PLD5: variants seen among roughly 807,000 people sequenced by gnomAD.
PLD5 encodes phospholipase D family member 5, also known as inactive phospholipase D5.
Under a neutral mutation model 61.1 loss-of-function variants are expected in PLD5, and 36 were observed. The observed-to-expected ratio is 0.59, with a 90% CI of 0.45 to 0.78. The LOEUF is 0.78. Among genes scored for constraint, PLD5 ranks in the 30% least tolerant of loss-of-function variants. The pLI is 0.00. For synonymous variants in PLD5, 243 were observed against 242.8 expected (o/e 1.00, Z -0.01); for missense variants, 515 against 644.4 (o/e 0.80, Z 2.17).
intron 1 of PLD5, among the ~76,000 whole-genome samples, chr1:242,492,350 A>T (rs1238082756): frequency 1.4e-5 from 2 of 144,716 alleles, no homozygotes. Context: ...TGTCTCTACT[A>T]AAAAAAAAAC....
chr1:242,330,210 G>A (rs1659086541), intron 2 of PLD5, among the ~76,000 whole-genome samples: 1 of 152,150 alleles, frequency 6.6e-6, no homozygotes, highest in African/African-American at 2.4e-5. Flanking sequence ...CTTTTTCCAT[G>A]AAGTACAAAT....
At chr1:242,141,346 C>T (rs892929) in intron 5 of PLD5, among the ~76,000 whole-genome samples, 5 of 151,992 alleles carry the variant, frequency 3.3e-5, no homozygotes, top group Admixed American at 6.6e-5. Context: ...TCTTCCTCTC[C>T]GACTGCATCT....
At chr1:242,522,899 A>G (rs990716867) in intron 1 of PLD5, among the ~76,000 whole-genome samples, 3 of 152,232 alleles carry the variant, frequency 2.0e-5, no homozygotes, top group Admixed American at 6.5e-5. Flanking sequence ...GCTTCATATT[A>G]GAGCTTTCAG....
At chr1:242,361,084 CAATA>C (rs1412324999) in intron 1 of PLD5, among the ~76,000 whole-genome samples, 1 of 152,026 alleles carries the variant, frequency 6.6e-6, no homozygotes, top group Non-Finnish European at 1.5e-5. Flanking sequence ...TAATAAATAA[CAATA>C]AATAAGTAAG....
intron 4 of PLD5, among the ~76,000 whole-genome samples, chr1:242,238,650 G>A (rs1025944854): frequency 5.3e-5 from 8 of 152,166 alleles, no homozygotes; most frequent in African/African-American, 1.7e-4. Context: ...AACATCTGAG[G>A]AATTCTCTTT....
intron 2 of PLD5, among the ~76,000 whole-genome samples, chr1:242,289,680 C>T (rs1490496023): frequency 1.3e-5 from 2 of 152,148 alleles, no homozygotes; most frequent in African/African-American, 4.8e-5. Flanking sequence ...TGGAAAACCT[C>T]AAGTCCTTAT....
chr1:242,281,879 A>G (rs1274042701), intron 3 of PLD5, among the ~76,000 whole-genome samples: 1 of 152,156 alleles, frequency 6.6e-6, no homozygotes, highest in African/African-American at 2.4e-5. Context: ...GCGCACACAC[A>G]CTTGAAGATT....
At chr1:242,216,755 C>T (rs1604506) in intron 5 of PLD5, among the ~76,000 whole-genome samples, 42,660 of 152,058 alleles carry the variant, frequency 0.28, 6,396 homozygotes, top group South Asian at 0.4. Context: ...TGTCTCTCAT[C>T]CATCACTGAG....
rs907098516 is a variant in PLD5 at position 242,373,261 on chromosome 1, T to C, written c.190-25019A>G. 1.1e-4 allele frequency among the ~76,000 whole-genome samples: 17 copies of C among 152,272 alleles called. 1 individual carries two copies. The highest frequency in any genetic ancestry group is 7.8e-4 in the Admixed American group (12 of 15,294). On this transcript the variant is annotated intron_variant, in intron 1 of 9. Coordinates refer to ENST00000536534, the MANE Select transcript of PLD5 (RefSeq NM_001372062.1). The stretch of plus-strand genomic sequence containing the variant: ...AAAACCACAATGAGATACCATCTCA[T>C]ACCAGTTAGAATGGCGATCATTAAA...
At chr1:242,424,666 T>C (rs925910646) in intron 1 of PLD5, among the ~76,000 whole-genome samples, 2 of 152,172 alleles carry the variant, frequency 1.3e-5, no homozygotes, top group African/African-American at 4.8e-5. Context: ...TGGGGTCCAC[T>C]GTCATGGCCT....
intron 9 of PLD5, among the ~76,000 whole-genome samples, chr1:242,091,897 G>A (rs1659863709): frequency 7.1e-6 from 1 of 141,210 alleles, no homozygotes; most frequent in African/African-American, 2.6e-5. Context: ...GTACAATCTT[G>A]GCTCACTGCA....
chr1:242,316,066 TGG>T (rs1041103221), intron 2 of PLD5, among the ~76,000 whole-genome samples: 3 of 152,102 alleles, frequency 2.0e-5, no homozygotes, highest in Admixed American at 2.0e-4. Flanking sequence ...TTTCCTCGTG[TGG>T]AAAAAGGAGG....
intron 2 of PLD5, among the ~76,000 whole-genome samples, chr1:242,304,045 T>C (rs1197430459): frequency 6.6e-6 from 1 of 152,168 alleles, no homozygotes; most frequent in Non-Finnish European, 1.5e-5. Context: ...TCAAGTCTGA[T>C]GCTTATCTGG....
intron 1 of PLD5, among the ~76,000 whole-genome samples, chr1:242,426,309 TAAA>T (rs56996310): frequency 0.011 from 1,362 of 120,048 alleles, 10 homozygotes; most frequent in African/African-American, 0.024. Context: ...CGTTTCCAGT[TAAA>T]AAAAAAAAAA....
intron 1 of PLD5, among the ~76,000 whole-genome samples, chr1:242,367,355 G>T (rs1661401150): frequency 6.6e-6 from 1 of 152,174 alleles, no homozygotes; most frequent in Non-Finnish European, 1.5e-5. Context: ...AATGGAAAGA[G>T]CTCTGGAATG....
intron 1 of PLD5, among the ~76,000 whole-genome samples, chr1:242,442,295 T>C (rs1342072430): frequency 6.6e-6 from 1 of 152,160 alleles, no homozygotes; most frequent in African/African-American, 2.4e-5. Context: ...TAAATAAGAA[T>C]AAAAACAACT....
intron 1 of PLD5, among the ~76,000 whole-genome samples, chr1:242,493,236 A>C (rs7551156): frequency 0.69 from 104,190 of 152,032 alleles, 36,531 homozygotes; most frequent in African/African-American, 0.83. Flanking sequence ...ACACCACAGT[A>C]TTCCCAAAAT....
At chr1:242,297,075 G>T (rs1235121801) in intron 2 of PLD5, among the ~76,000 whole-genome samples, 1 of 152,108 alleles carries the variant, frequency 6.6e-6, no homozygotes, top group Non-Finnish European at 1.5e-5. Flanking sequence ...GCTGGGCATG[G>T]TGGCTCATGC....
At chr1:242,338,981 C>G (rs572533989) in intron 2 of PLD5, among the ~76,000 whole-genome samples, 2 of 152,212 alleles carry the variant, frequency 1.3e-5, no homozygotes, top group South Asian at 4.2e-4. Context: ...TCAGACTATT[C>G]TATTTATTTT....
Sources: allele counts gnomAD v4.1 joint callset (sites outside exome capture counted in the v4.1 genomes callset), GRCh38; gene constraint gnomAD v4.1.1; transcripts MANE v1.5; gene names NCBI Gene and HGNC (gene_info 2026-07-23, HGNC 2026-07-21).